Variants in EPHA5 observed in about 807,000 individuals in gnomAD.
EPHA5 encodes the protein ephrin type-A receptor 5.
A neutral mutation model predicts 105.0 loss-of-function variants in EPHA5; 60 were observed. The ratio of observed to expected loss-of-function variants is 0.57; its 90% CI spans 0.46 to 0.71. The LOEUF (loss-of-function observed/expected upper bound fraction) is 0.71, where lower values mean the gene tolerates loss of function less well. EPHA5 is among the 30% of genes least tolerant of loss of function. The pLI, the probability that EPHA5 is intolerant of heterozygous loss-of-function variation, is 0.00. For synonymous variants in EPHA5, 513 were observed against 449.1 expected, an observed-to-expected ratio of 1.14 and a Z score of -1.80; for missense variants, 1,218 against 1,274.7, an observed-to-expected ratio of 0.96 and a Z score of 0.68.
intron 8 of EPHA5, among the ~76,000 whole-genome samples, chr4:65,376,367 T>C (rs1302769934): frequency 6.6e-6 from 1 of 152,054 alleles, no homozygotes; most frequent in Non-Finnish European, 1.5e-5. Flanking sequence ...ACCCCAGATG[T>C]ATATTTAGGA....
intron 3 of EPHA5, among the ~76,000 whole-genome samples, chr4:65,554,977 A>C (rs1738269657): frequency 1.2e-5 from 1 of 85,180 alleles, no homozygotes; most frequent in Non-Finnish European, 2.3e-5. Context: ...CCCCTATACA[A>C]CAGCAAAAAA....
At chr4:65,446,159 G>A (rs1188501478) in intron 5 of EPHA5, among the ~76,000 whole-genome samples, 1 of 152,068 alleles carries the variant, frequency 6.6e-6, no homozygotes, top group Non-Finnish European at 1.5e-5. Context: ...GGGTTACAAT[G>A]CCTTCAATAA....
chr4:65,325,649 G>T (rs1337548842), intron 16 of EPHA5, among the ~76,000 whole-genome samples: 1 of 151,238 alleles, frequency 6.6e-6, no homozygotes. Flanking sequence ...AGTAAAATTA[G>T]CTTTGAAACA....
intron 8 of EPHA5, among the ~76,000 whole-genome samples, chr4:65,385,986 T>A (rs1241829087): frequency 6.6e-6 from 1 of 151,842 alleles, no homozygotes; most frequent in African/African-American, 2.4e-5. Flanking sequence ...CCTATAAGAT[T>A]TTTGGAGGAG....
At chr4:65,411,589 T>G (rs529258199) in intron 7 of EPHA5, among the ~76,000 whole-genome samples, 2 of 152,200 alleles carry the variant, frequency 1.3e-5, no homozygotes, top group South Asian at 4.1e-4. Flanking sequence ...ACTCTTTAAC[T>G]ATGACTTACC....
chr4:65,445,871 A>G (rs1726469161), intron 5 of EPHA5, among the ~76,000 whole-genome samples: 2 of 152,312 alleles, frequency 1.3e-5, no homozygotes, highest in South Asian at 2.1e-4. Context: ...GAATAGAAAT[A>G]TTACCAATTA....
intron 8 of EPHA5, among the ~76,000 whole-genome samples, chr4:65,400,694 C>G (rs991673838): frequency 2.0e-5 from 3 of 151,892 alleles, no homozygotes; most frequent in African/African-American, 7.2e-5. Flanking sequence ...AAAAGTTAAC[C>G]TTTTTTATTT....
intron 4 of EPHA5, among the ~76,000 whole-genome samples, chr4:65,492,616 A>G (rs1731524683): frequency 6.6e-6 from 1 of 151,590 alleles, no homozygotes; most frequent in African/African-American, 2.4e-5. Context: ...CGGCCATCTC[A>G]CATACTTCAA....
chr4:65,606,156 A>C (rs1744208531), intron 2 of EPHA5, among the ~76,000 whole-genome samples: 1 of 152,062 alleles, frequency 6.6e-6, no homozygotes, highest in South Asian at 2.1e-4. Flanking sequence ...TCATGTAACC[A>C]TCAATAAGTC....
intron 5 of EPHA5, among the ~76,000 whole-genome samples, chr4:65,477,241 A>C (rs992591012): frequency 6.6e-6 from 1 of 152,220 alleles, no homozygotes; most frequent in Non-Finnish European, 1.5e-5. Flanking sequence ...GCTATCTAGG[A>C]CAATGATATA....
At position 65,589,532 on chromosome 4, in the gene EPHA5, C is replaced by A. The variant is rs553752272; in HGVS notation, c.910+12109G>T. Among the ~76,000 whole-genome samples the A allele has an allele frequency of 3.7e-4, 57 of 152,220 alleles. No individual in the cohort carries two copies. The East Asian group carries it at 0.01, about 27-fold the overall frequency. ...TGTGACATTTCATTTATCTGGGCAG[C>A]AACATTCTTGAAAGGCAACTTGCCT... On this transcript the variant is annotated intron_variant, in intron 3 of 16. Coordinates refer to ENST00000613740, the MANE Select transcript of EPHA5 (RefSeq NM_001281766.3).
At chr4:65,401,650 T>C (rs1288627517) in intron 8 of EPHA5, among the ~76,000 whole-genome samples, 1 of 152,108 alleles carries the variant, frequency 6.6e-6, no homozygotes, top group East Asian at 1.9e-4. Context: ...TGAAATTAAA[T>C]TGGATTAGGA....
intron 8 of EPHA5, among the ~76,000 whole-genome samples, chr4:65,370,420 T>C (rs1001361905): frequency 6.6e-6 from 1 of 152,170 alleles, no homozygotes; most frequent in African/African-American, 2.4e-5. Context: ...TCCAGAGATT[T>C]ATGTTATTTA....
At chr4:65,648,527 T>C (rs543366986) in intron 1 of EPHA5, among the ~76,000 whole-genome samples, 3 of 152,354 alleles carry the variant, frequency 2.0e-5, no homozygotes, top group East Asian at 1.9e-4. Flanking sequence ...TTCTTACTTA[T>C]ATTGTTTCTG....
chr4:65,472,732 GCCCACAAAACC>G (rs1330970653), intron 5 of EPHA5, among the ~76,000 whole-genome samples: 1 of 95,646 alleles, frequency 1.0e-5, no homozygotes, highest in Non-Finnish European at 2.9e-5. Context: ...CCTGGGCCTG[GCCCACAAAACC>G]TGGCCCACAA....
chr4:65,388,684 G>A (rs1175341195), intron 8 of EPHA5, among the ~76,000 whole-genome samples: 1 of 145,132 alleles, frequency 6.9e-6, no homozygotes, highest in African/African-American at 2.6e-5. Context: ...TTGTAAATTT[G>A]TTGGAGTTCA....
intron 1 of EPHA5, among the ~76,000 whole-genome samples, chr4:65,648,577 T>A (rs1329036078): frequency 2.0e-5 from 3 of 152,226 alleles, no homozygotes; most frequent in African/African-American, 7.2e-5. Flanking sequence ...ACAATTATAA[T>A]GTCAGTTAAA....
chr4:65,465,909 C>T (rs1225902721), intron 5 of EPHA5, among the ~76,000 whole-genome samples: 1 of 152,210 alleles, frequency 6.6e-6, no homozygotes, highest in Non-Finnish European at 1.5e-5. Context: ...TGTGTGTACA[C>T]ACAATTCTTG....
At chr4:65,325,313 T>G (rs1163362234) in intron 16 of EPHA5, among the ~76,000 whole-genome samples, 3 of 151,408 alleles carry the variant, frequency 2.0e-5, no homozygotes, top group Non-Finnish European at 4.4e-5. Flanking sequence ...AAAGAAACTC[T>G]TAATTATCAG....
Sources: allele counts gnomAD v4.1 joint callset (sites outside exome capture counted in the v4.1 genomes callset), GRCh38; gene constraint gnomAD v4.1.1; transcripts MANE v1.5; gene names NCBI Gene and HGNC (gene_info 2026-07-23, HGNC 2026-07-21).